MAP7: variants seen among roughly 807,000 people sequenced by gnomAD.
The protein encoded by MAP7 is microtubule associated protein 7, also known as ensconsin.
A neutral mutation model predicts 94.8 loss-of-function variants in MAP7; 52 were observed. That is an observed-to-expected ratio of 0.55 (90% CI 0.44 to 0.69). The LOEUF (loss-of-function observed/expected upper bound fraction) is 0.69, where lower values mean the gene tolerates loss of function less well. MAP7 is among the 30% of genes least tolerant of loss of function. MAP7 has a pLI of 0.00. For synonymous variants in MAP7, 350 were observed against 357.0 expected (o/e 0.98, Z 0.22); for missense variants, 940 against 964.6 (o/e 0.97, Z 0.34).
chr6:136,345,502 C>T (rs1019576034), intron 17 of MAP7, among the ~76,000 whole-genome samples: 15 of 152,088 alleles, frequency 9.9e-5, no homozygotes, highest in Admixed American at 4.6e-4. Context: ...AGCACTAGGC[C>T]GGATGGTCCA....
chr6:136,456,285 T>C (rs907168821), intron 1 of MAP7, among the ~76,000 whole-genome samples: 1 of 152,002 alleles, frequency 6.6e-6, no homozygotes, highest in Non-Finnish European at 1.5e-5. Context: ...TCTTGAGACA[T>C]AAGAAAACAA....
intron 1 of MAP7, among the ~76,000 whole-genome samples, chr6:136,422,881 C>A (rs1038155507): frequency 2.6e-5 from 4 of 152,078 alleles, no homozygotes; most frequent in Non-Finnish European, 5.9e-5. Flanking sequence ...GTCTGTATTT[C>A]TTCAAAAACT....
rs1431196628 is a variant in MAP7 at position 136,366,155 on chromosome 6, T to G, written c.990-137A>C. 5.6e-6 allele frequency: 6 copies of G among 1,065,074 alleles called. No individual in the cohort carries two copies. The East Asian group carries it at 1.0e-4, about 18-fold the overall frequency. 66.0% of individuals were successfully genotyped at this position (1,065,074 alleles called of 1,614,324 possible). On this transcript the variant is annotated intron_variant, in intron 9 of 17. Coordinates refer to ENST00000354570, the MANE Select transcript of MAP7 (RefSeq NM_003980.6). Reference sequence around the variant, plus strand: ...GTTTTTTATGTGGTAGATACAGAAATAGAGTTGCTTTAGGGAACCATTCCA... The same window carrying G: ...GTTTTTTATGTGGTAGATACAGAAAGAGAGTTGCTTTAGGGAACCATTCCA...
At chr6:136,492,772 G>A (rs954265540) in intron 1 of MAP7, among the ~76,000 whole-genome samples, 2 of 152,102 alleles carry the variant, frequency 1.3e-5, no homozygotes, top group Admixed American at 6.6e-5. Flanking sequence ...AAGAAATGGC[G>A]AATGATATAT....
At chr6:136,440,237 A>G (rs1449630764) in intron 1 of MAP7, among the ~76,000 whole-genome samples, 1 of 152,236 alleles carries the variant, frequency 6.6e-6, no homozygotes, top group Non-Finnish European at 1.5e-5. Context: ...AATAATACAA[A>G]GATAATCATA....
At chr6:136,406,159 C>T (rs991002353) in intron 3 of MAP7, among the ~76,000 whole-genome samples, 6 of 152,062 alleles carry the variant, frequency 3.9e-5, no homozygotes, top group African/African-American at 1.4e-4. Flanking sequence ...GAAGAGAAAT[C>T]GGTAACCAGG....
At chr6:136,543,621 C>T (rs1562496628) in intron 1 of MAP7, among the ~76,000 whole-genome samples, 1 of 151,876 alleles carries the variant, frequency 6.6e-6, no homozygotes, top group Non-Finnish European at 1.5e-5. Flanking sequence ...CCATTGCACT[C>T]CAGCCTGGGC....
intron 3 of MAP7, among the ~76,000 whole-genome samples, chr6:136,395,590 G>A (rs1174597029): frequency 6.6e-6 from 1 of 151,830 alleles, no homozygotes; most frequent in East Asian, 1.9e-4. Context: ...TTTTGCTTTC[G>A]TTGTCTTTGC....
intron 1 of MAP7, among the ~76,000 whole-genome samples, chr6:136,496,919 A>G (rs922515041): frequency 2.6e-5 from 4 of 151,386 alleles, no homozygotes; most frequent in African/African-American, 9.7e-5. Flanking sequence ...GCGCCACTGC[A>G]CTCCAACCTG....
chr6:136,514,580 C>CAAAAAAAAAAAA lies in MAP7; in HGVS notation c.67+35750_67+35761dup, dbSNP rs1046225937. ...TGGGTGACAGAGCAAGACTCTGTCT[C>CAAAAAAAAAAAA]AAAAAAAAAAAAAAAAAAAAAAAAA... On this transcript the variant is annotated intron_variant, in intron 1 of 17. Coordinates refer to ENST00000354570, the MANE Select transcript of MAP7 (RefSeq NM_003980.6). 2.9e-4 allele frequency among the ~76,000 whole-genome samples: 14 copies of CAAAAAAAAAAAA among 49,050 alleles called. 1 individual carries two copies. The highest frequency in any genetic ancestry group is 9.0e-4 in the African/African-American group (14 of 15,476). 32.2% of individuals were successfully genotyped at this position (49,050 alleles called of 152,430 possible). A position where few individuals can be genotyped will look rare whatever the true frequency, so the allele number is the denominator to read the frequency against.
At chr6:136,474,762 A>C (rs150969164) in intron 1 of MAP7, among the ~76,000 whole-genome samples, 117 of 151,142 alleles carry the variant, frequency 7.7e-4, no homozygotes, top group Middle Eastern at 3.4e-3. Context: ...TCTTTCATCC[A>C]GGCTGGAGTG....
intron 1 of MAP7, among the ~76,000 whole-genome samples, chr6:136,447,046 G>A (rs1165031397): frequency 6.6e-6 from 1 of 152,128 alleles, no homozygotes; most frequent in Non-Finnish European, 1.5e-5. Flanking sequence ...ACAACTTCAT[G>A]AGCAGCCACT....
At chr6:136,350,518 C>A (rs1165332585) in intron 16 of MAP7, among the ~76,000 whole-genome samples, 1 of 152,142 alleles carries the variant, frequency 6.6e-6, no homozygotes, top group East Asian at 1.9e-4. Context: ...AATGTTTATT[C>A]ATGAATGGGA....
intron 2 of MAP7, among the ~76,000 whole-genome samples, chr6:136,412,926 C>T (rs540701582): frequency 1.4e-3 from 220 of 151,908 alleles, no homozygotes; most frequent in African/African-American, 4.9e-3. Context: ...TTTGGGAGGC[C>T]GAGGCGGGTG....
At chr6:136,387,818 G>C (rs941451122) in intron 5 of MAP7, among the ~76,000 whole-genome samples, 1 of 152,014 alleles carries the variant, frequency 6.6e-6, no homozygotes, top group Admixed American at 6.6e-5. Context: ...AATTCCAGGG[G>C]TATTGAATTT....
chr6:136,526,114 A>C, intron 1 of MAP7: 1 of 1,354,836 alleles, frequency 7.4e-7, no homozygotes, highest in South Asian at 1.9e-5. Flanking sequence ...ACAGTTTGCA[A>C]ACAGCTGACA....
At chr6:136,421,541 A>G (rs1791359404) in intron 2 of MAP7, among the ~76,000 whole-genome samples, 160 bp downstream of exon 2, 1 of 152,244 alleles carries the variant, frequency 6.6e-6, no homozygotes, top group Non-Finnish European at 1.5e-5. Context: ...ACAATCCAGT[A>G]GGAGTGTGTG....
chr6:136,473,697 T>C (rs896778585), intron 1 of MAP7, among the ~76,000 whole-genome samples: 4 of 152,206 alleles, frequency 2.6e-5, no homozygotes, highest in African/African-American at 9.6e-5. Context: ...TTGTACAAAC[T>C]TTATCAATGT....
intron 3 of MAP7, among the ~76,000 whole-genome samples, chr6:136,402,083 C>T (rs1167708066): frequency 6.6e-6 from 1 of 152,174 alleles, no homozygotes; most frequent in African/African-American, 2.4e-5. Flanking sequence ...TCACACACAC[C>T]TCCTTCCCCC....
Sources: gnomAD v4.1 joint callset for allele counts (sites outside exome capture counted in the v4.1 genomes callset) on GRCh38, gnomAD v4.1.1 for gene constraint, MANE v1.5 for transcripts, NCBI Gene and HGNC (gene_info 2026-07-23, HGNC 2026-07-21) for gene names.